The following WWOX variants were observed in gnomAD, a reference collection of about 807,000 sequenced individuals.
WWOX encodes WW domain containing oxidoreductase.
Under a neutral mutation model 46.2 loss-of-function variants are expected in WWOX, and 69 were observed. The ratio of observed to expected loss-of-function variants is 1.49; its 90% CI spans 1.23 to 1.82. WWOX has a LOEUF of 1.82. Ranked by LOEUF, WWOX falls within the 40% of genes most tolerant of loss-of-function variation. The pLI is 0.00. For missense variants in WWOX, 919 were observed against 542.6 expected (o/e 1.69, Z -6.89); for synonymous variants, 359 against 202.6 (o/e 1.77, Z -6.56).
chr16:78,896,845 A>T (rs957882615), intron 8 of WWOX: 2 of 152,112 alleles, frequency 1.3e-5, no homozygotes, highest in Admixed American at 1.3e-4. Context: ...TGTTCTATAA[A>T]ATTAGCATAT....
intron 8 of WWOX, among the ~76,000 whole-genome samples, chr16:78,922,498 C>A (rs1049261543): frequency 1.3e-5 from 2 of 151,904 alleles, no homozygotes; most frequent in African/African-American, 4.8e-5. Context: ...CGTGCCTCAG[C>A]CTCCTGAGTC....
intron 8 of WWOX, among the ~76,000 whole-genome samples, chr16:79,157,034 G>A (rs998308017): frequency 6.6e-6 from 1 of 152,182 alleles, no homozygotes; most frequent in African/African-American, 2.4e-5. Flanking sequence ...TGGTAAAATG[G>A]CCCTGGCCAT....
chr16:78,534,429 G>T (rs186185293), intron 8 of WWOX: 2 of 152,316 alleles, frequency 1.3e-5, no homozygotes, highest in African/African-American at 4.8e-5. Context: ...CATGGTGAAA[G>T]AAGACAGACA....
chr16:78,779,900 A>G (rs778525323), intron 8 of WWOX, among the ~76,000 whole-genome samples: 12 of 152,180 alleles, frequency 7.9e-5, no homozygotes, highest in Non-Finnish European at 1.3e-4. Context: ...TCTTCCTGCT[A>G]TAGATTAAAA....
chr16:79,092,301 CCT>C (rs2048978057), intron 8 of WWOX, among the ~76,000 whole-genome samples: 1 of 152,122 alleles, frequency 6.6e-6, no homozygotes, highest in Non-Finnish European at 1.5e-5. Flanking sequence ...AGAGGGGAAG[CCT>C]TTGGGAGCTA....
chr16:78,288,450 T>C (rs907983494), intron 5 of WWOX, among the ~76,000 whole-genome samples: 1 of 152,128 alleles, frequency 6.6e-6, no homozygotes, highest in Admixed American at 6.5e-5. Context: ...CAGTGGTGGC[T>C]GTGGTTGTCA....
chr16:78,414,819 A>G (rs527919381), intron 6 of WWOX, among the ~76,000 whole-genome samples: 3 of 152,160 alleles, frequency 2.0e-5, no homozygotes, highest in Non-Finnish European at 4.4e-5. Flanking sequence ...ATTTCTCCCA[A>G]AGTTAGCTTG....
rs750226191 is a variant in WWOX, at chr16:78,115,055, C to A, written c.310C>A (p.Arg104=). Reference sequence around the variant, plus strand: ...TGATAATCCGACCAAGCCAACCACCCGGCAAAGATACGACGGCAGCACCAC... The same window carrying A: ...TGATAATCCGACCAAGCCAACCACCAGGCAAAGATACGACGGCAGCACCAC... ...VDDNPTKPTT[R]QRYDGSTTAM... The change falls in exon 4 of 9, where the codon CGG becomes AGG. Residue 104 remains arginine (R), a synonymous_variant. Transcript: ENST00000566780. The A allele has an allele frequency of 3.7e-5, 59 of 1,614,060 alleles. No homozygotes were observed. Among genetic ancestry groups the A allele is most frequent in the Middle Eastern group, 1.6e-4 (1 of 6,084 alleles).
intron 5 of WWOX, among the ~76,000 whole-genome samples, chr16:78,315,062 A>G (rs911871730): frequency 2.0e-5 from 3 of 152,026 alleles, no homozygotes; most frequent in Non-Finnish European, 4.4e-5. Context: ...TCTATCAATC[A>G]TCTATCATCT....
rs11449740 is a variant in WWOX at position 78,952,384 on chromosome 16, G to GTTTT, written c.1057-259212_1057-259209dup. Among the ~76,000 whole-genome samples, 3 of 141,844 alleles carry GTTTT rather than the reference G, an allele frequency of 2.1e-5. 1 individual carries two copies. Among genetic ancestry groups the GTTTT allele is most frequent in the Non-Finnish European group, 3.1e-5 (2 of 64,790 alleles). The allele number at this position is 141,844 out of a possible 152,430, so 93.1% of individuals were successfully genotyped here. A position where few individuals can be genotyped will look rare whatever the true frequency, so the allele number is the denominator to read the frequency against. On this transcript the variant is annotated intron_variant, in intron 8 of 8. Transcript: ENST00000566780. ...ACATTTTTGTTTTTTTGTTTTTTGA[G>GTTTT]TTTTTTTTTTTTTTTGAGACAAAAG... is the stretch of plus-strand genomic sequence containing the variant.
chr16:78,316,111 A>G (rs920968330), intron 5 of WWOX, among the ~76,000 whole-genome samples: 15 of 151,928 alleles, frequency 9.9e-5, no homozygotes, highest in African/African-American at 3.4e-4. Context: ...CAGGCATGTT[A>G]GCATGCACCT....
chr16:78,479,417 T>A (rs1460776756), intron 8 of WWOX, among the ~76,000 whole-genome samples: 2 of 152,248 alleles, frequency 1.3e-5, no homozygotes, highest in African/African-American at 2.4e-5. Context: ...TGTAATGTTT[T>A]AAAGCTTTTT....
At chr16:78,245,143 A>G (rs1304807639) in intron 5 of WWOX, among the ~76,000 whole-genome samples, 1 of 152,228 alleles carries the variant, frequency 6.6e-6, no homozygotes, top group Non-Finnish European at 1.5e-5. Flanking sequence ...TAATTATCCC[A>G]TATGGATAAT....
chr16:78,639,010 C>T (rs2046640913), intron 8 of WWOX, among the ~76,000 whole-genome samples: 1 of 152,140 alleles, frequency 6.6e-6, no homozygotes, highest in Non-Finnish European at 1.5e-5. Context: ...ATCAGGGCTG[C>T]TTTCCTTTAT....
intron 8 of WWOX, among the ~76,000 whole-genome samples, chr16:78,517,134 C>G (rs965085878): frequency 6.6e-6 from 1 of 152,172 alleles, no homozygotes; most frequent in East Asian, 1.9e-4. Flanking sequence ...AAGCAGGTAT[C>G]TGAGAATACT....
At position 78,805,219 on chromosome 16, in the gene WWOX, C is replaced by T. The variant is rs377152979; in HGVS notation, c.1056+372467C>T. Reference sequence around the variant, plus strand: ...TTTGAGAGAGACCTGATGAGTTCACCACTGCCTCTGGAGAATCAAATCCAA... The same window carrying T: ...TTTGAGAGAGACCTGATGAGTTCACTACTGCCTCTGGAGAATCAAATCCAA... On this transcript the variant is annotated intron_variant, in intron 8 of 8. Transcript: ENST00000566780. 1.5e-4 allele frequency among the ~76,000 whole-genome samples: 23 copies of T among 152,238 alleles called. No individual in the cohort carries two copies. In the South Asian group the frequency reaches 2.7e-3, roughly 18 times the overall value.
intron 5 of WWOX, among the ~76,000 whole-genome samples, chr16:78,373,423 A>G (rs764201947): frequency 2.0e-5 from 3 of 152,186 alleles, no homozygotes; most frequent in Admixed American, 6.5e-5. Flanking sequence ...GGGGAACCCA[A>G]TTCATATGAG....
intron 5 of WWOX, among the ~76,000 whole-genome samples, chr16:78,243,080 A>T (rs541768754): frequency 1.3e-5 from 2 of 152,120 alleles, no homozygotes; most frequent in Non-Finnish European, 2.9e-5. Context: ...CCTCTCACCC[A>T]GGTCCATTCT....
chr16:78,968,173 G>C (rs1277385553), intron 8 of WWOX, among the ~76,000 whole-genome samples: 1 of 151,324 alleles, frequency 6.6e-6, no homozygotes. Flanking sequence ...ACAGCGCGTG[G>C]TCTGCGTGGC....
Sources: gnomAD v4.1 joint callset for allele counts (sites outside exome capture counted in the v4.1 genomes callset) on GRCh38, gnomAD v4.1.1 for gene constraint, MANE v1.5 for transcripts, NCBI Gene and HGNC (gene_info 2026-07-23, HGNC 2026-07-21) for gene names.